Variants in FERMT2 observed in about 807,000 individuals in gnomAD.
FERMT2 encodes the protein FERM domain containing kindlin 2, also known as fermitin family homolog 2.
Under a neutral mutation model 82.7 loss-of-function variants are expected in FERMT2, and 15 were observed. That is an observed-to-expected ratio of 0.18 (90% CI 0.12 to 0.28). The LOEUF (loss-of-function observed/expected upper bound fraction) is 0.28, where lower values mean the gene tolerates loss of function less well. Among genes scored for constraint, FERMT2 ranks in the 10% least tolerant of loss-of-function variants. The pLI is 1.00. For missense variants in FERMT2, 645 were observed against 809.4 expected (o/e 0.80, Z 2.46); for synonymous variants, 274 against 271.5 (o/e 1.01, Z -0.09).
chr14:52,911,622 A>G (rs961608713), intron 3 of FERMT2, among the ~76,000 whole-genome samples: 4 of 151,768 alleles, frequency 2.6e-5, no homozygotes, highest in African/African-American at 4.8e-5. Context: ...CTGCAGTCCA[A>G]CCTGGGTGAC....
At chr14:52,898,373 T>C (rs1887422798) in intron 3 of FERMT2, among the ~76,000 whole-genome samples, 1 of 152,230 alleles carries the variant, frequency 6.6e-6, no homozygotes, top group Non-Finnish European at 1.5e-5. Context: ...ATATTTAAGA[T>C]ATAAAGTTAA....
intron 6 of FERMT2, 95 bp from the exon 7 acceptor site, chr14:52,878,784 C>T (rs915925588): frequency 1.7e-6 from 1 of 583,762 alleles, no homozygotes; most frequent in Non-Finnish European, 2.9e-6. Flanking sequence ...AAATTTAATG[C>T]TTTTTTTCCT....
chr14:52,950,336 C>G, intron 2 of FERMT2, 76 bp downstream of exon 2: 1 of 1,450,946 alleles, frequency 6.9e-7, no homozygotes, highest in East Asian at 2.4e-5. Context: ...TGGGCCCCTC[C>G]CCCGTCGTGA....
intron 2 of FERMT2, among the ~76,000 whole-genome samples, chr14:52,926,546 T>C (rs1434572261): frequency 1.3e-5 from 2 of 152,018 alleles, no homozygotes; most frequent in Admixed American, 1.3e-4. Flanking sequence ...TAGACTACGC[T>C]CAAAAACTTG....
At chr14:52,858,846 A>G (rs927834367) in intron 14 of FERMT2, 1 of 248,380 alleles carries the variant, frequency 4.0e-6, no homozygotes, top group South Asian at 1.4e-4. Flanking sequence ...ATTAATGAGA[A>G]TGCCTCTCTT....
chr14:52,933,790 T>A (rs1354450413), intron 2 of FERMT2, among the ~76,000 whole-genome samples: 1 of 149,432 alleles, frequency 6.7e-6, no homozygotes, highest in East Asian at 2.0e-4. Context: ...AAGTATCTTA[T>A]AATCCGTTAA....
At chr14:52,906,948 G>T (rs1156632367) in intron 3 of FERMT2, among the ~76,000 whole-genome samples, 3 of 55,092 alleles carry the variant, frequency 5.4e-5, no homozygotes, top group Admixed American at 2.0e-4. Context: ...TCAATTATTG[G>T]GGGGGGGGGG....
intron 3 of FERMT2, among the ~76,000 whole-genome samples, chr14:52,902,875 A>AAAAAAAAAACAAAAAAC (rs1887742929): frequency 1.5e-5 from 2 of 133,442 alleles, no homozygotes; most frequent in Admixed American, 1.6e-4. Context: ...TCTCAAAAAA[A>AAAAAAAAAACAAAAAAC]AAAAAAAAAA....
intron 4 of FERMT2, among the ~76,000 whole-genome samples, chr14:52,885,185 C>T (rs1173943257): frequency 6.6e-6 from 1 of 151,412 alleles, no homozygotes; most frequent in East Asian, 1.9e-4. Context: ...TGGTGGCATG[C>T]TCCTGTAGTT....
chr14:52,902,404 C>CA (rs66918916), intron 3 of FERMT2, among the ~76,000 whole-genome samples: 93,315 of 146,430 alleles, frequency 0.64, 30,369 homozygotes, highest in South Asian at 0.75. Flanking sequence ...AAAACAAAAA[C>CA]AAAAAAAAAA....
chr14:52,922,754 A>C (rs1889036354), intron 2 of FERMT2, among the ~76,000 whole-genome samples: 1 of 152,222 alleles, frequency 6.6e-6, no homozygotes, highest in Admixed American at 6.5e-5. Flanking sequence ...AAACTACATA[A>C]ATGTGAAGCT....
intron 7 of FERMT2, among the ~76,000 whole-genome samples, chr14:52,877,488 T>G (rs1251491286): frequency 6.6e-6 from 1 of 151,252 alleles, no homozygotes; most frequent in Non-Finnish European, 1.5e-5. Flanking sequence ...TTAATCCATC[T>G]GTCACCTGGG....
At chr14:52,919,450 A>G in intron 2 of FERMT2, 94 bp from the exon 3 acceptor site, 1 of 733,348 alleles carries the variant, frequency 1.4e-6, no homozygotes, top group Non-Finnish European at 2.1e-6. Context: ...GGTATTTAAC[A>G]GCAATAATTA....
intron 2 of FERMT2, 118 bp from the exon 3 acceptor site, chr14:52,919,474 T>G: frequency 3.0e-6 from 2 of 676,760 alleles, no homozygotes; most frequent in Non-Finnish European, 5.0e-6. Context: ...ACTAAGTTAC[T>G]GTTATGTGAC....
intron 12 of FERMT2, chr14:52,861,438 G>A (rs1047697005): frequency 1.8e-5 from 3 of 166,892 alleles, no homozygotes; most frequent in Admixed American, 6.4e-5. Flanking sequence ...CAAAATAAAA[G>A]TATCCAAAAG....
At chr14:52,891,188 A>G (rs1448763492) in intron 4 of FERMT2, among the ~76,000 whole-genome samples, 1 of 152,012 alleles carries the variant, frequency 6.6e-6, no homozygotes, top group Non-Finnish European at 1.5e-5. Context: ...CACATCTTGT[A>G]TTTTTGCAAG....
intron 3 of FERMT2, among the ~76,000 whole-genome samples, chr14:52,908,027 G>A (rs1017284227): frequency 2.6e-5 from 4 of 152,086 alleles, no homozygotes; most frequent in African/African-American, 9.7e-5. Context: ...ATTTAAAGAC[G>A]GACAGGCGAA....
At position 52,872,707 on chromosome 14, in the gene FERMT2, T is replaced by A. The variant is rs139210990; in HGVS notation, c.1273+92A>T. ...AAAGGAGTAAAGAAATTGATTTTTT[T>A]AAAAAACTTGTTTATCCCAGCAAGT... is the stretch of plus-strand genomic sequence containing the variant. On this transcript the variant is annotated intron_variant, in intron 10 of 14. Coordinates refer to ENST00000341590, the MANE Select transcript of FERMT2 (RefSeq NM_006832.3). 8.9e-4 allele frequency: 1,264 copies of A among 1,419,716 alleles called. 10 individuals carry two copies. The African/African-American group carries it at 0.011, about 12-fold the overall frequency. 87.9% of individuals were successfully genotyped at this position (1,419,716 alleles called of 1,614,324 possible).
At chr14:52,868,742 C>T (rs141150688) in intron 10 of FERMT2, among the ~76,000 whole-genome samples, 5 of 152,180 alleles carry the variant, frequency 3.3e-5, no homozygotes, top group African/African-American at 1.2e-4. Flanking sequence ...GTCAGCTACT[C>T]GGGAGGCAGA....
Sources: allele counts gnomAD v4.1 joint callset (sites outside exome capture counted in the v4.1 genomes callset), GRCh38; gene constraint gnomAD v4.1.1; transcripts MANE v1.5; gene names NCBI Gene and HGNC (gene_info 2026-07-23, HGNC 2026-07-21).